The following TTC28 variants were observed in gnomAD, a reference collection of about 807,000 sequenced individuals.
TTC28 encodes the protein tetratricopeptide repeat protein 28.
In TTC28, 61 loss-of-function variants were observed where a neutral mutation model predicts 198.0. The observed-to-expected ratio is 0.31, with a 90% CI of 0.25 to 0.38. TTC28 has a LOEUF of 0.38. Among genes scored for constraint, TTC28 ranks in the 10% least tolerant of loss-of-function variants. TTC28 has a pLI of 1.00. For missense variants in TTC28, 2,678 were observed against 3,164.0 expected (o/e 0.85, Z 3.69); for synonymous variants, 1,171 against 1,297.8 (o/e 0.90, Z 2.10).
chr22:28,511,695 G>C (rs1045677109), intron 2 of TTC28, among the ~76,000 whole-genome samples: 5 of 152,066 alleles, frequency 3.3e-5, no homozygotes, highest in African/African-American at 1.2e-4. Context: ...GCACACACCT[G>C]TAATCCTAGC....
intron 5 of TTC28, among the ~76,000 whole-genome samples, chr22:28,178,044 G>C (rs923289382): frequency 2.0e-5 from 3 of 150,772 alleles, no homozygotes; most frequent in African/African-American, 7.3e-5. Context: ...TTGTAATAAT[G>C]TACCATACTA....
At chr22:28,011,146 T>C (rs777256994) in intron 14 of TTC28, among the ~76,000 whole-genome samples, 2 of 152,180 alleles carry the variant, frequency 1.3e-5, no homozygotes, top group Non-Finnish European at 2.9e-5. Context: ...TTAACCTTCA[T>C]ACAACCTCCT....
chr22:28,436,398 C>T (rs543394749), intron 2 of TTC28, among the ~76,000 whole-genome samples: 1 of 152,304 alleles, frequency 6.6e-6, no homozygotes, highest in South Asian at 2.1e-4. Flanking sequence ...AGGGCTACAA[C>T]TGTGGCCTAT....
chr22:28,158,014 A>C (rs1354890891), intron 6 of TTC28, among the ~76,000 whole-genome samples: 2 of 152,094 alleles, frequency 1.3e-5, no homozygotes, highest in Non-Finnish European at 2.9e-5. Flanking sequence ...TACTTGGAAA[A>C]ATCTAAAGAC....
At chr22:27,994,905 A>T (rs1289691232) in intron 17 of TTC28, among the ~76,000 whole-genome samples, 3 of 138,764 alleles carry the variant, frequency 2.2e-5, no homozygotes, top group Non-Finnish European at 4.8e-5. Flanking sequence ...AAGGCTCCAG[A>T]CAGTTTCCAG....
At chr22:28,588,365 G>A (rs1175577638) in intron 2 of TTC28, among the ~76,000 whole-genome samples, 3 of 152,106 alleles carry the variant, frequency 2.0e-5, no homozygotes, top group African/African-American at 4.8e-5. Flanking sequence ...TGGAATACTG[G>A]AAGTAGGGTT....
rs1410826351 is a variant in TTC28, at chr22:28,107,579, C to G, written c.2266G>C (p.Ala756Pro). ...QVKDRRLEASAYAALGTAYRM... is the reference protein window; with the variant it reads ...QVKDRRLEASPYAALGTAYRM... Reference sequence around the variant, plus strand: ...TATGCAGTGCCCAGGGCTGCATATGCACTGGCTTCTAATCTTCTGTCCTTT... The same window carrying G: ...TATGCAGTGCCCAGGGCTGCATATGGACTGGCTTCTAATCTTCTGTCCTTT... The change falls in exon 7 of 23, where the codon GCA becomes CCA. Residue 756 changes from alanine (A) to proline (P), a missense_variant. Physicochemically the swap from Ala to Pro is conservative, Grantham distance 27. Around this residue, in one of 8 missense-constraint regions of TTC28, gnomAD observed 775 missense variants for 845.9 expected, o/e 0.92. Transcript: ENST00000397906. 6.4e-7 allele frequency: 1 copy of G among 1,551,696 alleles called. No individual in the cohort carries two copies. The highest frequency in any genetic ancestry group is 8.7e-7 in the Non-Finnish European group (1 of 1,147,036).
chr22:28,056,825 GTC>G (rs1940309885), intron 12 of TTC28, among the ~76,000 whole-genome samples: 1 of 152,144 alleles, frequency 6.6e-6, no homozygotes, highest in Non-Finnish European at 1.5e-5. Context: ...GAGGCAAATC[GTC>G]TGATTCTCTT....
intron 6 of TTC28, among the ~76,000 whole-genome samples, chr22:28,117,976 G>A (rs979999215): frequency 5.3e-5 from 8 of 152,136 alleles, no homozygotes; most frequent in African/African-American, 1.7e-4. Flanking sequence ...ATAAATACTT[G>A]AGGGGACAAG....
intron 5 of TTC28, among the ~76,000 whole-genome samples, chr22:28,274,995 A>AG (rs1932328205): frequency 1.3e-5 from 2 of 150,136 alleles, no homozygotes; most frequent in Admixed American, 6.6e-5. Context: ...AAAAAAAAAA[A>AG]AAAAAGAGAG....
intron 6 of TTC28, among the ~76,000 whole-genome samples, chr22:28,132,861 A>G (rs1256394563): frequency 4.6e-5 from 7 of 152,232 alleles, no homozygotes; most frequent in Non-Finnish European, 8.8e-5. Flanking sequence ...TAAAAGTCAC[A>G]GTTTCCAAGA....
intron 2 of TTC28, among the ~76,000 whole-genome samples, chr22:28,531,219 C>T (rs557677580): frequency 3.3e-5 from 5 of 152,196 alleles, no homozygotes; most frequent in Admixed American, 1.3e-4. Flanking sequence ...GGAAGATCTA[C>T]CAAGCAAATG....
Position 28,096,370 on chromosome 22 carries a change from G to A in TTC28, c.3586C>T (p.Arg1196Trp). ...DEALAVAERG[R>W]TRAFADLLVE... ...AGAAGATCAGCAAATGCCCTTGTCC[G>A]TCCCCTTTCTGCCACAGCCAGGGCT... The change falls in exon 11 of 23, where the codon CGG becomes TGG. Residue 1196 changes from arginine to tryptophan, a missense_variant. This residue lies in a region of TTC28 where 727 missense variants were observed against 861.9 expected (regional missense o/e 0.84). Coordinates refer to ENST00000397906, the MANE Select transcript of TTC28 (RefSeq NM_001145418.2). 1 of 1,551,768 alleles carries A rather than the reference G, an allele frequency of 6.4e-7. No homozygotes were observed.
chr22:28,297,833 A>C lies in TTC28; in HGVS notation c.549T>G (p.Tyr183Ter). The change falls in exon 4 of 23, where the codon TAT becomes TAG. Residue 183 changes from tyrosine (Y) to a stop codon, truncating the protein, a stop_gained. Coordinates refer to ENST00000397906, the MANE Select transcript of TTC28 (RefSeq NM_001145418.2). LOFTEE classifies it high-confidence loss of function. The stretch of plus-strand genomic sequence containing the variant: ...CCAGTTTCATTTTCTGAAGCTGCTG[A>C]TAAGTGGGCTCGAGGGAGTCTGAAA... ...SPMRDSLEPT[Y>*]QQLQKMKLDK... is the part of the protein sequence containing the mutation. 6.4e-7 allele frequency: 1 copy of C among 1,551,492 alleles called. No homozygotes were observed. Among genetic ancestry groups the C allele is most frequent in the Non-Finnish European group, 8.7e-7 (1 of 1,146,892 alleles).
At chr22:28,062,330 G>C (rs897711803) in intron 12 of TTC28, among the ~76,000 whole-genome samples, 4 of 151,720 alleles carry the variant, frequency 2.6e-5, no homozygotes, top group African/African-American at 9.7e-5. Flanking sequence ...CAAAGTGCTG[G>C]GACTACAGGC....
chr22:27,985,076 C>T (rs1462103953), intron 22 of TTC28, among the ~76,000 whole-genome samples, 173 bp downstream of exon 22: 1 of 152,236 alleles, frequency 6.6e-6, no homozygotes, highest in Non-Finnish European at 1.5e-5. Flanking sequence ...TCCATGAGAG[C>T]AGGGAGTTTT....
At chr22:28,420,497 CTTTT>C (rs1039775578) in intron 2 of TTC28, among the ~76,000 whole-genome samples, 1 of 133,154 alleles carries the variant, frequency 7.5e-6, no homozygotes, top group African/African-American at 2.8e-5. Flanking sequence ...CCTTTTGTTT[CTTTT>C]TTCTCAAGCA....
intron 2 of TTC28, among the ~76,000 whole-genome samples, chr22:28,396,317 G>C (rs1380891326): frequency 6.6e-6 from 1 of 152,204 alleles, no homozygotes; most frequent in East Asian, 1.9e-4. Context: ...GATTTCACTA[G>C]TATTGAAAGG....
At position 28,677,696 on chromosome 22, in the gene TTC28, G is replaced by T. The variant is rs557354265; in HGVS notation, c.102+1926C>A. ...TCACACCTGTAATCTCAGCACTTTG[G>T]GAGGCCAAGGTGGGCAGATCACTTG... On this transcript the variant is annotated intron_variant, in intron 1 of 22. Transcript: ENST00000397906. Among the ~76,000 whole-genome samples, 4 of 152,190 alleles carry T rather than the reference G, an allele frequency of 2.6e-5. No individual in the cohort carries two copies. In the East Asian group the frequency reaches 7.7e-4, roughly 29 times the overall value.
Sources: allele counts gnomAD v4.1 joint callset (sites outside exome capture counted in the v4.1 genomes callset), GRCh38; gene constraint gnomAD v4.1.1; regional missense constraint gnomAD v4.1.1; transcripts MANE v1.5; gene names NCBI Gene and HGNC (gene_info 2026-07-23, HGNC 2026-07-21).